Variants in OTOA observed in about 807,000 individuals in gnomAD.
OTOA encodes cancer/testis antigen 108.
In OTOA, 70 loss-of-function variants were observed where a neutral mutation model predicts 110.8. The observed-to-expected ratio is 0.63, with a 90% CI of 0.52 to 0.77. The LOEUF is 0.77. Ranked by LOEUF, OTOA falls within the 30% of genes least tolerant of loss-of-function variation. The pLI, the probability that OTOA is intolerant of heterozygous loss-of-function variation, is 0.00. For missense variants in OTOA, 917 were observed against 1,075.8 expected (o/e 0.85, Z 2.06); for synonymous variants, 373 against 431.5 (o/e 0.86, Z 1.68).
At chr16:21,681,579 A>G (rs538126577) in intron 5 of OTOA, among the ~76,000 whole-genome samples, 159 bp from the exon 6 acceptor site, 1 of 152,272 alleles carries the variant, frequency 6.6e-6, no homozygotes, top group Admixed American at 6.5e-5. Context: ...AGAGAAAAGA[A>G]AAAAGGAAAG....
intron 1 of OTOA, among the ~76,000 whole-genome samples, chr16:21,669,596 T>G (rs907468790): frequency 6.6e-6 from 1 of 152,168 alleles, no homozygotes; most frequent in Non-Finnish European, 1.5e-5. Flanking sequence ...CCTCTCTACA[T>G]GCTCAGGCCA....
chr16:21,691,558 C>T (rs1897829446), intron 8 of OTOA, 26 bp from the exon 9 acceptor site: 2 of 1,584,408 alleles, frequency 1.3e-6, no homozygotes, highest in African/African-American at 1.3e-5. Context: ...TTGTTATTAG[C>T]TGATGCCTGT....
intron 23 of OTOA, among the ~76,000 whole-genome samples, chr16:21,744,288 C>T (rs1296195822): frequency 7.3e-5 from 11 of 151,702 alleles, no homozygotes; most frequent in East Asian, 3.9e-4. Context: ...TACAGATGTG[C>T]GCCACCATGC....
chr16:21,750,265 C>T (rs373449803), intron 24 of OTOA, among the ~76,000 whole-genome samples: 3,336 of 143,110 alleles, frequency 0.023, no homozygotes, highest in East Asian at 0.23. Flanking sequence ...ATACAAAAAT[C>T]AGCCAGGCAT....
At chr16:21,707,730 CTCTCTCTT>C (rs1193878527) in intron 12 of OTOA, among the ~76,000 whole-genome samples, 2 of 128,048 alleles carry the variant, frequency 1.6e-5, no homozygotes, top group Admixed American at 7.7e-5. Context: ...CTTTCTCACT[CTCTCTCTT>C]TCTTTCTTTC....
chr16:21,698,882 T>C lies in OTOA; in HGVS notation c.840+1007T>C, dbSNP rs562329430. Among the ~76,000 whole-genome samples, 7 of 152,250 alleles carry C rather than the reference T, an allele frequency of 4.6e-5. No homozygotes were observed. In the South Asian group the frequency reaches 1.5e-3, roughly 32 times the overall value. On this transcript the variant is annotated intron_variant, in intron 10 of 28. Transcript: ENST00000646100. ...TAAGGTCAAGCACTCATTTGCAACT[T>C]TTTATTCGCTAAAAATGTAGAGAAG...
rs973137571 is a variant in OTOA, at chr16:21,702,975, A to G, written c.980+1948A>G. 3.9e-5 allele frequency among the ~76,000 whole-genome samples: 6 copies of G among 152,094 alleles called. No homozygotes were observed. In the South Asian group the frequency reaches 1.0e-3, roughly 26 times the overall value. On this transcript the variant is annotated intron_variant, in intron 11 of 28. Transcript: ENST00000646100. ...AGGCATGAACTACCACGCCAAGCCT[A>G]TTTTTCTTTTATAATTTATTTTTTT...
At chr16:21,716,438 G>A (rs1352823494) in intron 14 of OTOA, among the ~76,000 whole-genome samples, 1 of 152,074 alleles carries the variant, frequency 6.6e-6, no homozygotes, top group Non-Finnish European at 1.5e-5. Flanking sequence ...GGGTGTGGTA[G>A]TGCACTTCTG....
At position 21,690,339 on chromosome 16, in the gene OTOA, C is replaced by T. The variant is rs117448760; in HGVS notation, c.636-1245C>T. On this transcript the variant is annotated intron_variant, in intron 8 of 28. Coordinates refer to ENST00000646100, the MANE Select transcript of OTOA (RefSeq NM_144672.4). ...TTAGATATTTTTCCTAATGCTCTCC[C>T]TCCCCCACCCCACCCCCACAATAGG... 7.7e-3 allele frequency among the ~76,000 whole-genome samples: 1,166 copies of T among 152,004 alleles called. 30 individuals are homozygous for T. Among genetic ancestry groups the T allele is most frequent in the East Asian group, 0.056 (291 of 5,156 alleles).
chr16:21,701,130 T>A, intron 11 of OTOA, 103 bp downstream of exon 11: 1 of 1,543,840 alleles, frequency 6.5e-7, no homozygotes, highest in Non-Finnish European at 8.9e-7. Context: ...GGGAGGTGGC[T>A]GGTCCATCTC....
intron 1 of OTOA, among the ~76,000 whole-genome samples, chr16:21,665,173 T>TGGC (rs1279300849): frequency 6.6e-6 from 1 of 152,008 alleles, no homozygotes; most frequent in Admixed American, 6.6e-5. Context: ...ATCCCTGGGG[T>TGGC]GGCACCTGCC....
At chr16:21,719,068 G>A (rs1172271076) in intron 15 of OTOA, 65 bp from the exon 16 acceptor site, 11 of 1,472,070 alleles carry the variant, frequency 7.5e-6, no homozygotes, top group Non-Finnish European at 1.0e-5. Flanking sequence ...TTCCTGATAG[G>A]GCCTCACAGT....
intron 5 of OTOA, among the ~76,000 whole-genome samples, chr16:21,681,013 G>T (rs1157489771): frequency 6.6e-6 from 1 of 152,078 alleles, no homozygotes; most frequent in Non-Finnish European, 1.5e-5. Context: ...TTATCAAATT[G>T]TCTCAAGCCA....
At chr16:21,684,735 A>C (rs1264990829) in intron 6 of OTOA, among the ~76,000 whole-genome samples, 3 of 46,836 alleles carry the variant, frequency 6.4e-5, no homozygotes, top group Non-Finnish European at 1.6e-4. Flanking sequence ...TATTATTATT[A>C]TTATTATTAT....
chr16:21,679,878 G>A (rs907740415), intron 5 of OTOA, among the ~76,000 whole-genome samples: 1 of 152,144 alleles, frequency 6.6e-6, no homozygotes, highest in African/African-American at 2.4e-5. Context: ...ACACAACTGG[G>A]ATGTGAACCA....
chr16:21,721,232 TACACACACACACACACACACAC>T (rs35961471), intron 17 of OTOA: 2 of 372,498 alleles, frequency 5.4e-6, no homozygotes, highest in Admixed American at 2.8e-5. Context: ...ACATAATTAT[TACACACACACACACACACACAC>T]ACACACACAC....
At chr16:21,701,445 G>C (rs1898051356) in intron 11 of OTOA, among the ~76,000 whole-genome samples, 1 of 152,078 alleles carries the variant, frequency 6.6e-6, no homozygotes, top group Non-Finnish European at 1.5e-5. Flanking sequence ...CTCTTAGCTG[G>C]GGAGCCCCTG....
At chr16:21,696,258 G>A (rs1367754394) in intron 9 of OTOA, among the ~76,000 whole-genome samples, 2 of 152,022 alleles carry the variant, frequency 1.3e-5, no homozygotes, top group African/African-American at 4.8e-5. Flanking sequence ...CCAGAACGGG[G>A]TGTCAGAGAG....
intron 11 of OTOA, 127 bp downstream of exon 11, chr16:21,701,154 A>T: frequency 7.1e-7 from 1 of 1,402,578 alleles, no homozygotes; most frequent in Non-Finnish European, 9.9e-7. Context: ...GAATAGTCCC[A>T]TATTTCTCTG....
Sources: allele counts gnomAD v4.1 joint callset (sites outside exome capture counted in the v4.1 genomes callset), GRCh38; gene constraint gnomAD v4.1.1; transcripts MANE v1.5; gene names NCBI Gene and HGNC (gene_info 2026-07-23, HGNC 2026-07-21).